The following SNRNP200 variants were observed in gnomAD, a reference collection of about 807,000 sequenced individuals.
SNRNP200 encodes small nuclear ribonucleoprotein U5 subunit 200.
Under a neutral mutation model 255.2 loss-of-function variants are expected in SNRNP200, and 66 were observed. That is an observed-to-expected ratio of 0.26 (90% confidence interval 0.21 to 0.32). The LOEUF (loss-of-function observed/expected upper bound fraction) is 0.32. Among genes scored for constraint, SNRNP200 ranks in the 10% least tolerant of loss-of-function variants. SNRNP200 has a pLI of 1.00. For missense variants in SNRNP200, 1,585 were observed against 2,749.8 expected, an observed-to-expected ratio of 0.58 and a Z score of 9.47; for synonymous variants, 939 against 1,027.8, an observed-to-expected ratio of 0.91 and a Z score of 1.65.
chr2:96,284,306 G>A (rs1285045817), intron 31 of SNRNP200, 52 bp downstream of exon 31: 50 of 1,513,842 alleles, frequency 3.3e-5, no homozygotes, highest in Non-Finnish European at 4.5e-5. Flanking sequence ...CCAATGCCAA[G>A]GCCACTTGGT....
Position 96,298,971 on chromosome 2 carries a change from TA to T in SNRNP200, c.730-5del. ...TCAGTTCACCTGAGGCTACGAGCTA[TA>T]AAAGTAACCAGGCATTTAGCTCACC... is the stretch of plus-strand genomic sequence containing the variant. On this transcript the variant is annotated splice_polypyrimidine_tract_variant and splice_region_variant and intron_variant, in intron 6 of 44. Transcript: ENST00000323853. The T allele has an allele frequency of 6.2e-7, 1 of 1,614,020 alleles. No homozygotes were observed. Among genetic ancestry groups the T allele is most frequent in the South Asian group, 1.1e-5 (1 of 91,074 alleles).
chr2:96,298,311 A>T lies in SNRNP200; in HGVS notation c.1092T>A (p.His364Gln). ...GGATCAGATCCTCCTTCTCGGTTTC[A>T]TGAAGCTGGTAGAGGAACTTGGATA... ...PELSKFLYQL[H>Q]ETEKEDLIRE... The change falls in exon 9 of 45, where the codon CAT (histidine) becomes CAA (glutamine). Residue 364 changes from histidine to glutamine, a missense_variant. Around this residue, in one of 9 missense-constraint regions of SNRNP200, gnomAD observed 383 missense variants for 645.3 expected, o/e 0.59. Coordinates refer to ENST00000323853, the MANE Select transcript of SNRNP200 (RefSeq NM_014014.5). 6.2e-7 allele frequency: 1 copy of T among 1,614,244 alleles called. No homozygotes were observed. Among genetic ancestry groups the T allele is most frequent in the South Asian group, 1.1e-5 (1 of 91,090 alleles).
At chr2:96,302,210 A>G (rs1291410062) in intron 3 of SNRNP200, among the ~76,000 whole-genome samples, 1 of 152,224 alleles carries the variant, frequency 6.6e-6, no homozygotes, top group Non-Finnish European at 1.5e-5. Flanking sequence ...TCTCTCTTCT[A>G]TAAAATGGAA....
At chr2:96,301,284 GCCC>G (rs1376777248) in intron 4 of SNRNP200, among the ~76,000 whole-genome samples, 1 of 152,186 alleles carries the variant, frequency 6.6e-6, no homozygotes, top group African/African-American at 2.4e-5. Context: ...AACCACTTGA[GCCC>G]CCAAGGCTCT....
rs946626786 is a variant in SNRNP200 at position 96,298,267 on chromosome 2, A to G, written c.1119+17T>C. ...GTTAGCTCAGAAATCAGACAGATAA[A>G]CCAACCCAGTCCTTACTCGGATCAG... On this transcript the variant is annotated intron_variant, in intron 9 of 44. Coordinates refer to ENST00000323853, the MANE Select transcript of SNRNP200 (RefSeq NM_014014.5). 3 of 1,614,030 alleles carry G rather than the reference A, an allele frequency of 1.9e-6. No homozygotes were observed. The African/African-American group carries it at 4.0e-5, about 22-fold the overall frequency.
rs1247160867 is a variant in SNRNP200, at chr2:96,287,905, G to A, written c.3323C>T (p.Thr1108Ile). The A allele has an allele frequency of 5.0e-6, 8 of 1,614,116 alleles. No individual in the cohort carries two copies. The highest frequency in any genetic ancestry group is 1.1e-5 in the South Asian group (1 of 91,094). The change falls in exon 25 of 45, where the codon ACA (threonine) becomes ATA (isoleucine). Residue 1108 changes from threonine to isoleucine, a missense_variant. Thr to Ile is a moderately conservative substitution (Grantham distance 89). Coordinates refer to ENST00000323853, the MANE Select transcript of SNRNP200 (RefSeq NM_014014.5). The surrounding 1 kb of genome is among the most constrained non-coding windows in gnomAD (Gnocchi z 5.7). ...IVLNRGWAQLTDKTLNLCKMI... is the reference protein window; with the variant it reads ...IVLNRGWAQLIDKTLNLCKMI... ...CTTGCAGAGGTTCAGGGTCTTGTCT[G>A]TAAGCTGTGCCCAACCTCGGTTCAG...
At chr2:96,289,016 G>A (rs763716363) in intron 23 of SNRNP200, 21 bp downstream of exon 23, 6 of 1,588,122 alleles carry the variant, frequency 3.8e-6, no homozygotes, top group Non-Finnish European at 4.3e-6. Context: ...CCTTATCAAA[G>A]CAAAGAGGAG....
intron 35 of SNRNP200, chr2:96,279,764 G>A: frequency 1.8e-6 from 1 of 556,668 alleles, no homozygotes; most frequent in Non-Finnish European, 3.3e-6. Flanking sequence ...TCAGTGTAAG[G>A]GCCATGAATT....
At chr2:96,289,768 A>T in intron 21 of SNRNP200, 31 bp downstream of exon 21, 1 of 1,609,212 alleles carries the variant, frequency 6.2e-7, no homozygotes, top group Non-Finnish European at 8.5e-7. Flanking sequence ...TTTTGCTGAG[A>T]CCTTTGCCTC....
chr2:96,299,051 T>A, intron 6 of SNRNP200, 84 bp from the exon 7 acceptor site: 1 of 1,560,246 alleles, frequency 6.4e-7, no homozygotes, highest in Non-Finnish European at 8.8e-7. Flanking sequence ...AAGTTCTACT[T>A]GACAATCCAT....
intron 2 of SNRNP200, 36 bp from the exon 3 acceptor site, chr2:96,303,366 C>A (rs771413853): frequency 6.2e-7 from 1 of 1,612,780 alleles, no homozygotes; most frequent in Non-Finnish European, 8.5e-7. Context: ...AATGGCAGAA[C>A]CTTTCGTCCC....
At position 96,277,456 on chromosome 2, in the gene SNRNP200, C is replaced by T; in HGVS notation, c.5931+83G>A. The T allele has an allele frequency of 1.3e-6, 2 of 1,533,066 alleles. No individual in the cohort carries two copies. The highest frequency in any genetic ancestry group is 1.8e-6 in the Non-Finnish European group (2 of 1,110,038). The allele number at this position is 1,533,066 out of a possible 1,614,324, so 95.0% of individuals were successfully genotyped here. On this transcript the variant is annotated intron_variant, in intron 41 of 44. Coordinates refer to ENST00000323853, the MANE Select transcript of SNRNP200 (RefSeq NM_014014.5). The surrounding 1 kb of genome is among the most constrained non-coding windows in gnomAD (Gnocchi z 4.4). ...TAACTAAAAGTTTAACTTACTGAGA[C>T]TCACCTCCCGCAACCCACGCTCGGT... is the stretch of plus-strand genomic sequence containing the variant.
Position 96,287,785 on chromosome 2 carries a change from CCT to C in SNRNP200, c.3365+76_3365+77del. ...TGTCAGGTCTGGAGATCAGATGCAC[CCT>C]GAGGCTTTCCCATCAGACCCTTGGG... On this transcript the variant is annotated intron_variant, in intron 25 of 44. Transcript: ENST00000323853. The surrounding 1 kb of genome is among the most constrained non-coding windows in gnomAD (Gnocchi z 5.7). 5 of 1,255,380 alleles carry C rather than the reference CCT, an allele frequency of 4.0e-6. No individual in the cohort carries two copies. Among genetic ancestry groups the C allele is most frequent in the South Asian group, 3.6e-5 (3 of 83,528 alleles). 77.8% of individuals were successfully genotyped at this position (1,255,380 alleles called of 1,614,324 possible).
rs746961352 is a variant in SNRNP200 at position 96,284,336 on chromosome 2, G to A, written c.4392+22C>T. 1.0e-5 allele frequency: 16 copies of A among 1,598,262 alleles called. No individual in the cohort carries two copies. The East Asian group carries it at 2.2e-4, about 22-fold the overall frequency. On this transcript the variant is annotated intron_variant, in intron 31 of 44. Coordinates refer to ENST00000323853, the MANE Select transcript of SNRNP200 (RefSeq NM_014014.5). ...CTTGGTCAGTCCCAGTCCCTCATCTGTGCTGCAAGGTCACGCCATACCCCA... is the reference window on the plus strand; with the variant it reads ...CTTGGTCAGTCCCAGTCCCTCATCTATGCTGCAAGGTCACGCCATACCCCA...
rs571136350 is a variant in SNRNP200, at chr2:96,274,951, A to G, written c.*61T>C. 2.0e-3 allele frequency: 3,121 copies of G among 1,599,042 alleles called. 6 individuals carry two copies. The highest frequency in any genetic ancestry group is 2.6e-3 in the Non-Finnish European group (2,982 of 1,168,686). ...TGGTCCCCACAACCAGGATTCCTAC[A>G]ATGTACACATTCCTAATTCAGGCTC... On this transcript the variant is annotated 3_prime_UTR_variant, in exon 45 of 45. Coordinates refer to ENST00000323853, the MANE Select transcript of SNRNP200 (RefSeq NM_014014.5).
rs1232549718 is a variant in SNRNP200 at position 96,277,770 on chromosome 2, G to C, written c.5754+37C>G. ...CGGAGTTGGAGCTGAGATGTTTAGA[G>C]CACCACTGACCCCTCTGCCCCACAC... On this transcript the variant is annotated intron_variant, in intron 40 of 44. Transcript: ENST00000323853. The surrounding 1 kb of genome is among the most constrained non-coding windows in gnomAD (Gnocchi z 4.4). The C allele has an allele frequency of 1.2e-6, 2 of 1,613,966 alleles. No homozygotes were observed. Among genetic ancestry groups the C allele is most frequent in the African/African-American group, 2.7e-5 (2 of 74,884 alleles).
At chr2:96,281,718 C>T in intron 35 of SNRNP200, 96 bp downstream of exon 35, 1 of 1,049,376 alleles carries the variant, frequency 9.5e-7, no homozygotes, top group Non-Finnish European at 1.5e-6. Flanking sequence ...TCCCTAACAC[C>T]TTTTCTTCAT....
intron 13 of SNRNP200, 109 bp from the exon 14 acceptor site, chr2:96,295,767 C>A: frequency 2.7e-6 from 3 of 1,093,172 alleles, no homozygotes; most frequent in Non-Finnish European, 4.1e-6. Flanking sequence ...ATCAACCCAT[C>A]AGGTGAATAC....
intron 34 of SNRNP200, 64 bp from the exon 35 acceptor site, chr2:96,281,986 C>A: frequency 7.8e-7 from 1 of 1,278,084 alleles, no homozygotes. Flanking sequence ...GGCTCACTGC[C>A]TCATGGGCAG....
Sources: allele counts gnomAD v4.1 joint callset (sites outside exome capture counted in the v4.1 genomes callset), GRCh38; gene constraint gnomAD v4.1.1; regional missense constraint gnomAD v4.1.1; non-coding constraint Gnocchi (gnomAD v3.1); transcripts MANE v1.5; gene names NCBI Gene and HGNC (gene_info 2026-07-23, HGNC 2026-07-21).